TNRC6B: variants seen among roughly 807,000 people sequenced by gnomAD.
TNRC6B encodes the protein trinucleotide repeat containing adaptor 6B, also known as trinucleotide repeat-containing gene 6B protein.
In TNRC6B, 52 loss-of-function variants were observed where a neutral mutation model predicts 203.6. The ratio of observed to expected loss-of-function variants is 0.26; its 90% CI spans 0.20 to 0.32. TNRC6B has a LOEUF of 0.32. Among genes scored for constraint, TNRC6B ranks in the 10% least tolerant of loss-of-function variants. TNRC6B has a pLI of 1.00. For synonymous variants in TNRC6B, 838 were observed against 845.7 expected (o/e 0.99, Z 0.16); for missense variants, 1,923 against 2,286.2 (o/e 0.84, Z 3.24).
chr22:40,275,240 A>T (rs1411302692), intron 7 of TNRC6B, among the ~76,000 whole-genome samples: 1 of 152,236 alleles, frequency 6.6e-6, no homozygotes, highest in Non-Finnish European at 1.5e-5. Flanking sequence ...CAAACTTTTC[A>T]GCATTCCTTG....
chr22:40,096,879 T>C (rs899993571), intron 1 of TNRC6B, among the ~76,000 whole-genome samples: 4 of 152,214 alleles, frequency 2.6e-5, no homozygotes, highest in African/African-American at 9.6e-5. Flanking sequence ...AACATTGTTC[T>C]GAAAAGAACA....
At chr22:40,130,981 A>C (rs1005858903) in intron 3 of TNRC6B, among the ~76,000 whole-genome samples, 6 of 149,634 alleles carry the variant, frequency 4.0e-5, no homozygotes, top group African/African-American at 1.5e-4. Context: ...GGGTCACTGC[A>C]AGCTCCGCCT....
rs762255692 is a variant in TNRC6B, at chr22:40,261,933, G to T, written c.217G>T (p.Val73Leu). The change falls in exon 4 of 23, where the codon GTG becomes TTG. Residue 73 changes from valine to leucine, a missense_variant. Physicochemically the swap from Val to Leu is conservative, Grantham distance 32. Transcript: ENST00000454349. ...CAATGGTGGCAACAATGCCAAAAGG[G>T]TGGCAGTGCCGAACGGACAACCGCC... ...PVNGGNNAKR[V>L]AVPNGQPPSA... The T allele has an allele frequency of 6.2e-7, 1 of 1,612,644 alleles. No individual in the cohort carries two copies. The highest frequency in any genetic ancestry group is 1.1e-5 in the South Asian group (1 of 91,060).
intron 1 of TNRC6B, among the ~76,000 whole-genome samples, chr22:40,242,791 C>G (rs1340745655): frequency 6.6e-6 from 1 of 152,008 alleles, no homozygotes; most frequent in Non-Finnish European, 1.5e-5. Context: ...ATCTCCATCA[C>G]CACCCCCATG....
At chr22:40,244,179 C>T (rs984498468) in intron 1 of TNRC6B, among the ~76,000 whole-genome samples, 4 of 152,214 alleles carry the variant, frequency 2.6e-5, no homozygotes, top group African/African-American at 9.6e-5. Context: ...AGATGATCAA[C>T]ATCCATCTTA....
intron 2 of TNRC6B, among the ~76,000 whole-genome samples, chr22:40,121,362 A>G (rs188653123): frequency 3.3e-5 from 5 of 152,278 alleles, no homozygotes; most frequent in Admixed American, 6.5e-5. Flanking sequence ...TTTGTAATGC[A>G]TGTGTGCTAT....
At chr22:40,160,735 T>G (rs1227036639) in intron 4 of TNRC6B, among the ~76,000 whole-genome samples, 1 of 151,998 alleles carries the variant, frequency 6.6e-6, no homozygotes, top group Non-Finnish European at 1.5e-5. Context: ...GATACTTTTT[T>G]TTGCTTTGAG....
intron 3 of TNRC6B, among the ~76,000 whole-genome samples, chr22:40,138,346 A>G (rs1327338330): frequency 6.6e-6 from 1 of 152,074 alleles, no homozygotes; most frequent in African/African-American, 2.4e-5. Flanking sequence ...GCTCACTGCA[A>G]CCTCTGCCTC....
chr22:40,119,593 A>G (rs1375895816), intron 2 of TNRC6B, among the ~76,000 whole-genome samples: 4 of 152,202 alleles, frequency 2.6e-5, no homozygotes, highest in Non-Finnish European at 5.9e-5. Flanking sequence ...CTAAATACAT[A>G]CATAGATAAC....
At chr22:40,260,956 AT>A (rs1188780969) in intron 3 of TNRC6B, among the ~76,000 whole-genome samples, 1 of 152,190 alleles carries the variant, frequency 6.6e-6, no homozygotes, top group African/African-American at 2.4e-5. Context: ...CTTTGTTAGA[AT>A]TGGTACCATG....
intron 1 of TNRC6B, among the ~76,000 whole-genome samples, chr22:40,050,226 C>T (rs2067733631): frequency 6.6e-6 from 1 of 152,124 alleles, no homozygotes; most frequent in African/African-American, 2.4e-5. Flanking sequence ...CACTTAGAAC[C>T]CCTTTAGGAT....
chr22:40,209,159 G>A (rs6001841), intron 1 of TNRC6B, among the ~76,000 whole-genome samples: 103,263 of 152,010 alleles, frequency 0.68, 36,818 homozygotes, highest in African/African-American at 0.9. Context: ...ATTTAATTTT[G>A]CTGTTCCTAA....
At chr22:40,171,037 GGT>G (rs900165812) in intron 4 of TNRC6B, among the ~76,000 whole-genome samples, 7 of 70,072 alleles carry the variant, frequency 1.0e-4, no homozygotes, top group Non-Finnish European at 1.5e-4. Context: ...CACCTATATA[GGT>G]GTATATATAT....
At position 40,262,173 on chromosome 22, in the gene TNRC6B, G is replaced by T; in HGVS notation, c.457G>T (p.Asp153Tyr). 1.4e-6 allele frequency: 2 copies of T among 1,380,244 alleles called. No homozygotes were observed. The highest frequency in any genetic ancestry group is 1.9e-6 in the Non-Finnish European group (2 of 1,050,564). 85.5% of individuals were successfully genotyped at this position (1,380,244 alleles called of 1,614,324 possible). The change falls in exon 4 of 23, where the codon GAC becomes TAC. Residue 153 changes from aspartate (D) to tyrosine (Y), a missense_variant and splice_region_variant. Asp to Tyr is a radical substitution (Grantham distance 160). This residue lies in a region of TNRC6B where 614 missense variants were observed against 587.7 expected (regional missense o/e 1.04). Transcript: ENST00000454349. ...GCAGAGTGAGAGTGGGACTGCGCCA[G>T]GTAAGGCACCCTGTGAATCGAATGC... is the stretch of plus-strand genomic sequence containing the variant. ...LLQSESGTAPDSTLGGAAASN... is the reference protein window; with the variant it reads ...LLQSESGTAPYSTLGGAAASN...
At chr22:40,075,156 A>ATATATTTTTTTTTTTTTTTTTTTTTTTT in intron 1 of TNRC6B, among the ~76,000 whole-genome samples, 1 of 35,568 alleles carries the variant, frequency 2.8e-5, no homozygotes, top group African/African-American at 1.0e-4. Context: ...ATATATATAT[A>ATATATTTTTTTTTTTTTTTTTTTTTTTT]TTTTTTTTTT....
chr22:40,195,831 G>A (rs1385468374), intron 1 of TNRC6B, among the ~76,000 whole-genome samples: 1 of 152,140 alleles, frequency 6.6e-6, no homozygotes, highest in African/African-American at 2.4e-5. Context: ...GTGCAGTGGC[G>A]CAATATCAGC....
In TNRC6B at chr22:40,301,272, C is replaced by T. The variant is rs368919901; in HGVS notation, c.4059C>T (p.Asn1353=). The T allele has an allele frequency of 7.0e-5, 112 of 1,593,112 alleles. No individual in the cohort carries two copies. The highest frequency in any genetic ancestry group is 3.3e-4 in the Middle Eastern group (2 of 6,046). ...PKPHLDNMVP[N]ALNVGLPDLQ... ...CGCATCTGGACAACATGGTACCCAA[C>T]GCATTGAATGTGGGGCTCCCAGACC... Residue 1353 remains asparagine, a synonymous_variant, in exon 15 of 23, where the codon AAC becomes AAT. Coordinates refer to ENST00000454349, the MANE Select transcript of TNRC6B (RefSeq NM_001162501.2).
At chr22:40,319,417 CTTTTCTTTTTTTT>C (rs1569068976) in intron 21 of TNRC6B, among the ~76,000 whole-genome samples, 1 of 115,294 alleles carries the variant, frequency 8.7e-6, no homozygotes, top group Non-Finnish European at 2.0e-5. Flanking sequence ...TATAACTTTT[CTTTTCTTTTTTTT>C]TTTTTTTTTT....
intron 3 of TNRC6B, among the ~76,000 whole-genome samples, chr22:40,144,531 C>T (rs1191958657): frequency 6.6e-6 from 1 of 151,940 alleles, no homozygotes; most frequent in Non-Finnish European, 1.5e-5. Context: ...AAAAATTAGC[C>T]GGGCGTGGTG....
Sources: allele counts gnomAD v4.1 joint callset (sites outside exome capture counted in the v4.1 genomes callset), GRCh38; gene constraint gnomAD v4.1.1; regional missense constraint gnomAD v4.1.1; transcripts MANE v1.5; gene names NCBI Gene and HGNC (gene_info 2026-07-23, HGNC 2026-07-21).